The following CATSPERB variants were observed in gnomAD, a reference collection of about 807,000 sequenced individuals.
CATSPERB encodes the protein cation channel sperm-associated auxiliary subunit beta.
A neutral mutation model predicts 128.3 loss-of-function variants in CATSPERB; 93 were observed. The ratio of observed to expected loss-of-function variants is 0.72; its 90% CI spans 0.61 to 0.86. The LOEUF (loss-of-function observed/expected upper bound fraction) is 0.86. CATSPERB is among the 40% of genes least tolerant of loss of function. CATSPERB has a pLI of 0.00. For missense variants in CATSPERB, 1,153 were observed against 1,329.5 expected (o/e 0.87, Z 2.06); for synonymous variants, 381 against 448.8 (o/e 0.85, Z 1.91).
At chr14:91,694,556 C>CTAAG in intron 7 of CATSPERB, among the ~76,000 whole-genome samples, 1 of 150,832 alleles carries the variant, frequency 6.6e-6, no homozygotes, top group East Asian at 2.0e-4. Flanking sequence ...CAGTACCCTT[C>CTAAG]TAAGCATAAA....
intron 15 of CATSPERB, among the ~76,000 whole-genome samples, chr14:91,640,815 G>A (rs1228895725): frequency 3.8e-5 from 5 of 133,304 alleles, no homozygotes; most frequent in South Asian, 5.3e-4. Flanking sequence ...CTGAGGAATC[G>A]CCACACTGAC....
At chr14:91,589,168 A>G (rs2139758040) in intron 24 of CATSPERB, among the ~76,000 whole-genome samples, 1 of 152,368 alleles carries the variant, frequency 6.6e-6, no homozygotes, top group Admixed American at 6.5e-5. Flanking sequence ...CCTAAAGATT[A>G]TCTGGCCCCA....
chr14:91,626,777 G>A (rs926221195), intron 17 of CATSPERB, among the ~76,000 whole-genome samples: 2 of 152,120 alleles, frequency 1.3e-5, no homozygotes, highest in African/African-American at 2.4e-5. Flanking sequence ...TACCCAGTCT[G>A]TGATATTCTA....
In CATSPERB at chr14:91,591,997, G is replaced by A. The variant is rs45469393; in HGVS notation, c.2715C>T (p.Thr905=). Residue 905 remains threonine (T), a synonymous_variant, in exon 23 of 27, where the codon ACC becomes ACT. Coordinates refer to ENST00000256343, the MANE Select transcript of CATSPERB (RefSeq NM_024764.4). ...PRNMFHMSKK[T]GKFKQCANVS... ...CATTAGCACACTGTTTGAATTTACC[G>A]GTTTTCTGCAAATAGAAGTAACAGA... The A allele has an allele frequency of 1.8e-4, 291 of 1,608,818 alleles. 1 individual carries two copies. Among genetic ancestry groups the A allele is most frequent in the Admixed American group, 2.8e-4 (17 of 59,878 alleles).
intron 17 of CATSPERB, among the ~76,000 whole-genome samples, chr14:91,634,890 G>A (rs928450709): frequency 1.3e-5 from 2 of 150,570 alleles, no homozygotes; most frequent in Non-Finnish European, 3.0e-5. Flanking sequence ...AGTCTATCTG[G>A]GCTGCCATAA....
chr14:91,725,889 C>T (rs2139783087), intron 2 of CATSPERB, among the ~76,000 whole-genome samples: 1 of 152,284 alleles, frequency 6.6e-6, no homozygotes, highest in Non-Finnish European at 1.5e-5. Context: ...ATCCTATACC[C>T]ATATAAACCC....
intron 11 of CATSPERB, among the ~76,000 whole-genome samples, chr14:91,680,960 A>G (rs1895270524): frequency 6.6e-6 from 1 of 152,198 alleles, no homozygotes; most frequent in African/African-American, 2.4e-5. Context: ...TAATTATCAT[A>G]AGACTGACAG....
chr14:91,702,405 T>C (rs80262849), intron 7 of CATSPERB, among the ~76,000 whole-genome samples: 5,953 of 151,038 alleles, frequency 0.039, 208 homozygotes, highest in East Asian at 0.14. Context: ...GCGATTACTT[T>C]TGCACCAACC....
chr14:91,610,261 A>G (rs1893799458), intron 21 of CATSPERB, among the ~76,000 whole-genome samples: 1 of 152,226 alleles, frequency 6.6e-6, no homozygotes, highest in African/African-American at 2.4e-5. Context: ...TAAAATGATA[A>G]TAATAATGAC....
intron 10 of CATSPERB, among the ~76,000 whole-genome samples, chr14:91,686,151 TCA>T (rs1345657815): frequency 6.6e-6 from 1 of 152,170 alleles, no homozygotes; most frequent in Non-Finnish European, 1.5e-5. Context: ...TATCTTCCCC[TCA>T]CTCTTTCTCT....
chr14:91,651,141 T>C (rs1327899060), intron 15 of CATSPERB, among the ~76,000 whole-genome samples: 1 of 152,228 alleles, frequency 6.6e-6, no homozygotes. Flanking sequence ...CTGTTTCCAG[T>C]TGACTCCTGA....
intron 17 of CATSPERB, among the ~76,000 whole-genome samples, chr14:91,632,771 C>A (rs551997758): frequency 6.6e-4 from 100 of 151,830 alleles, no homozygotes; most frequent in African/African-American, 2.3e-3. Flanking sequence ...TCAGAACACC[C>A]CAAAATATCT....
chr14:91,582,293 G>A (rs938307074), intron 26 of CATSPERB, among the ~76,000 whole-genome samples: 2 of 152,204 alleles, frequency 1.3e-5, no homozygotes, highest in Admixed American at 1.3e-4. Context: ...GTGTTCTAAA[G>A]CTTTCACTCT....
intron 9 of CATSPERB, among the ~76,000 whole-genome samples, chr14:91,691,951 G>A (rs1188596080): frequency 1.3e-5 from 2 of 152,146 alleles, no homozygotes; most frequent in Non-Finnish European, 2.9e-5. Context: ...GGCCGCGATA[G>A]GCGGATCACG....
At chr14:91,604,882 C>G (rs1893671115) in intron 22 of CATSPERB, 2 of 1,329,970 alleles carry the variant, frequency 1.5e-6, no homozygotes, top group African/African-American at 2.9e-5. Context: ...ATTTCATTCT[C>G]TGGTTCTGGA....
intron 14 of CATSPERB, among the ~76,000 whole-genome samples, chr14:91,668,249 A>G (rs61990392): frequency 0.39 from 59,621 of 151,494 alleles, 11,830 homozygotes; most frequent in Middle Eastern, 0.53. Context: ...CTAGAAAACT[A>G]GATTGTAAAC....
intron 5 of CATSPERB, among the ~76,000 whole-genome samples, chr14:91,714,189 C>T (rs1385709732): frequency 6.6e-6 from 1 of 150,536 alleles, no homozygotes; most frequent in Non-Finnish European, 1.5e-5. Flanking sequence ...ATGTTTTTTC[C>T]CTAAAACTGG....
At chr14:91,727,076 T>C (rs2139784174) in intron 2 of CATSPERB, among the ~76,000 whole-genome samples, 1 of 152,314 alleles carries the variant, frequency 6.6e-6, no homozygotes, top group Admixed American at 6.5e-5. Flanking sequence ...GGCTTGGATA[T>C]CTTAATTACA....
At chr14:91,617,470 C>T in intron 20 of CATSPERB, 127 bp downstream of exon 20, 1 of 602,272 alleles carries the variant, frequency 1.7e-6, no homozygotes. Flanking sequence ...TCCTTGTAAC[C>T]CTATACTCTT....
Sources: allele counts gnomAD v4.1 joint callset (sites outside exome capture counted in the v4.1 genomes callset), GRCh38; gene constraint gnomAD v4.1.1; transcripts MANE v1.5; gene names NCBI Gene and HGNC (gene_info 2026-07-23, HGNC 2026-07-21).